SMURF2: variants seen among roughly 807,000 people sequenced by gnomAD.
SMURF2 encodes SMAD specific E3 ubiquitin protein ligase 2.
A neutral mutation model predicts 109.6 loss-of-function variants in SMURF2; 48 were observed. That is an observed-to-expected ratio of 0.44 (90% CI 0.35 to 0.56). SMURF2 has a LOEUF of 0.56. SMURF2 is among the 20% of genes least tolerant of loss of function. The probability of loss-of-function intolerance (pLI) is 0.01; values close to 1 mark genes in which losing one functional copy is unlikely to be tolerated. For synonymous variants in SMURF2, 288 were observed against 317.1 expected (o/e 0.91, Z 0.97); for missense variants, 575 against 909.0 (o/e 0.63, Z 4.72).
At chr17:64,646,564 G>C (rs1970562511) in intron 1 of SMURF2, among the ~76,000 whole-genome samples, 1 of 151,190 alleles carries the variant, frequency 6.6e-6, no homozygotes, top group African/African-American at 2.4e-5. Flanking sequence ...TGTAGTTTTT[G>C]TAGAGATGGA....
At chr17:64,613,672 CAGTGTGTGTGTGTGTGTGTG>C (rs1970076211) in intron 1 of SMURF2, among the ~76,000 whole-genome samples, 2 of 53,690 alleles carry the variant, frequency 3.7e-5, no homozygotes, top group African/African-American at 1.5e-4. Flanking sequence ...TTCCACGGAC[CAGTGTGTGTGTGTGTGTGTG>C]TGTGTGTGTG....
At chr17:64,617,915 T>C (rs1445756436) in intron 1 of SMURF2, among the ~76,000 whole-genome samples, 8 of 152,274 alleles carry the variant, frequency 5.3e-5, no homozygotes, top group East Asian at 1.9e-4. Context: ...TAAAACAAGA[T>C]GAGACTATAC....
chr17:64,636,896 T>C (rs939576495), intron 1 of SMURF2, among the ~76,000 whole-genome samples: 7 of 152,092 alleles, frequency 4.6e-5, no homozygotes, highest in Non-Finnish European at 1.0e-4. Context: ...TTCTTATTAG[T>C]GTCCTTTTGG....
At position 64,545,001 on chromosome 17, in the gene SMURF2, C is replaced by T. The variant is rs946364320; in HGVS notation, c.*847G>A. Reference sequence around the variant, plus strand: ...CATGCTCTGAGAAGCTATAAAAATGCAGTATTTTAAGATTAAAAGTAAATC... The same window carrying T: ...CATGCTCTGAGAAGCTATAAAAATGTAGTATTTTAAGATTAAAAGTAAATC... On this transcript the variant is annotated 3_prime_UTR_variant, in exon 19 of 19. Coordinates refer to ENST00000262435, the MANE Select transcript of SMURF2 (RefSeq NM_022739.4). The T allele has an allele frequency of 2.6e-5, 4 of 152,026 alleles. No individual in the cohort carries two copies. Among genetic ancestry groups the T allele is most frequent in the Non-Finnish European group, 5.9e-5 (4 of 67,964 alleles). 9.4% of individuals were successfully genotyped at this position (152,026 alleles called of 1,614,324 possible). A position where few individuals can be genotyped will look rare whatever the true frequency, so the allele number is the denominator to read the frequency against.
chr17:64,586,577 C>T lies in SMURF2; in HGVS notation c.401-407G>A, dbSNP rs367950183. 4.7e-4 allele frequency among the ~76,000 whole-genome samples: 70 copies of T among 149,934 alleles called. 1 individual carries two copies. In the South Asian group the frequency reaches 0.015, roughly 31 times the overall value. ...TCCTGGCTAACACAGGGTGAAATCC[C>T]GTCTCTACTAAAAATACAAAAAAAT... On this transcript the variant is annotated intron_variant, in intron 5 of 18. Transcript: ENST00000262435.
intron 10 of SMURF2, among the ~76,000 whole-genome samples, chr17:64,565,302 G>A (rs920774775): frequency 8.5e-5 from 13 of 152,140 alleles, no homozygotes; most frequent in African/African-American, 3.1e-4. Flanking sequence ...AGGTGTGCTA[G>A]GGTGCAAGGG....
intron 1 of SMURF2, among the ~76,000 whole-genome samples, chr17:64,628,866 G>T (rs966812089): frequency 7.2e-5 from 11 of 152,080 alleles, no homozygotes; most frequent in African/African-American, 2.7e-4. Flanking sequence ...TCATCACAGG[G>T]CTCCCTCACA....
At chr17:64,557,985 T>C (rs1969150025) in intron 12 of SMURF2, among the ~76,000 whole-genome samples, 1 of 152,222 alleles carries the variant, frequency 6.6e-6, no homozygotes, top group African/African-American at 2.4e-5. Context: ...AAAAGTATTA[T>C]CCAACAGTTC....
chr17:64,550,418 G>A (rs1969025316), intron 16 of SMURF2, among the ~76,000 whole-genome samples: 1 of 152,136 alleles, frequency 6.6e-6, no homozygotes, highest in Admixed American at 6.5e-5. Flanking sequence ...ACAAAACCTG[G>A]GGTGTTTAAG....
chr17:64,580,790 A>G lies in SMURF2; in HGVS notation c.771T>C (p.Tyr257=), dbSNP rs1555686480. 3.7e-6 allele frequency: 6 copies of G among 1,613,880 alleles called. No homozygotes were observed. The highest frequency in any genetic ancestry group is 1.6e-4 in the Middle Eastern group (1 of 6,084). Residue 257 remains tyrosine, a splice_region_variant and synonymous_variant, in exon 8 of 19, where the codon TAT becomes TAC. Coordinates refer to ENST00000262435, the MANE Select transcript of SMURF2 (RefSeq NM_022739.4). ...LHTPPDLPEG[Y]EQRTTQQGQV... The stretch of plus-strand genomic sequence containing the variant: ...ATTTTTCCTTTGTAGTTGTCATACC[A>G]TAGCCTTCTGGTAGGTCTGGAGGAG...
At chr17:64,583,776 A>G (rs1969608562) in intron 6 of SMURF2, among the ~76,000 whole-genome samples, 1 of 152,136 alleles carries the variant, frequency 6.6e-6, no homozygotes, top group African/African-American at 2.4e-5. Context: ...CATCAGCCAA[A>G]CTCTGAGAAT....
chr17:64,600,586 A>G (rs1449252161), intron 2 of SMURF2, among the ~76,000 whole-genome samples: 2 of 152,190 alleles, frequency 1.3e-5, no homozygotes, highest in African/African-American at 4.8e-5. Context: ...ATAATAAAGG[A>G]GGACCAAAAT....
chr17:64,650,204 C>CTTTT (rs34557504), intron 1 of SMURF2, among the ~76,000 whole-genome samples: 1 of 132,622 alleles, frequency 7.5e-6, no homozygotes, highest in South Asian at 2.4e-4. Flanking sequence ...TAAGACTTGC[C>CTTTT]TTTTTTTTTT....
intron 1 of SMURF2, among the ~76,000 whole-genome samples, chr17:64,608,079 T>C (rs1349781242): frequency 6.6e-6 from 1 of 151,722 alleles, no homozygotes; most frequent in Non-Finnish European, 1.5e-5. Flanking sequence ...AAAACTTCTT[T>C]AACTCAAACT....
In SMURF2 at chr17:64,581,053, G is replaced by C; in HGVS notation, c.570-62C>G. 7.0e-7 allele frequency: 1 copy of C among 1,436,194 alleles called. No individual in the cohort carries two copies. The highest frequency in any genetic ancestry group is 9.8e-7 in the Non-Finnish European group (1 of 1,023,438). The allele number at this position is 1,436,194 out of a possible 1,614,324, so 89.0% of individuals were successfully genotyped here. A position where few individuals can be genotyped will look rare whatever the true frequency, so the allele number is the denominator to read the frequency against. ...TAGATATCAAAAGTAGAGTTCTCTA[G>C]ACAATATATATATACTGCAGTAACA... is the stretch of plus-strand genomic sequence containing the variant. On this transcript the variant is annotated intron_variant, in intron 7 of 18. Transcript: ENST00000262435. The surrounding 1 kb of genome is among the most constrained non-coding windows in gnomAD (Gnocchi z 4.3).
chr17:64,651,274 G>GA (rs1371221860), intron 1 of SMURF2, among the ~76,000 whole-genome samples: 2 of 146,746 alleles, frequency 1.4e-5, no homozygotes, highest in Non-Finnish European at 3.0e-5. Flanking sequence ...TTGCCTTGGA[G>GA]AAAAAATATA....
intron 13 of SMURF2, 69 bp from the exon 14 acceptor site, chr17:64,556,067 T>G: frequency 8.7e-7 from 1 of 1,143,066 alleles, no homozygotes; most frequent in Non-Finnish European, 1.2e-6. Flanking sequence ...AATGAAATAT[T>G]TCAGCAACAT....
chr17:64,546,037 G>C, intron 18 of SMURF2, 90 bp from the exon 19 acceptor site: 2 of 925,212 alleles, frequency 2.2e-6, no homozygotes, highest in Non-Finnish European at 3.5e-6. Flanking sequence ...ACATCACTCT[G>C]TGTCACACAG....
At chr17:64,601,835 GGT>G (rs546731309) in intron 2 of SMURF2, among the ~76,000 whole-genome samples, 16 of 148,958 alleles carry the variant, frequency 1.1e-4, no homozygotes, top group South Asian at 6.4e-4. Flanking sequence ...AAAGAAATGT[GGT>G]GTGTGTGTGT....
Sources: allele counts gnomAD v4.1 joint callset (sites outside exome capture counted in the v4.1 genomes callset), GRCh38; gene constraint gnomAD v4.1.1; non-coding constraint Gnocchi (gnomAD v3.1); transcripts MANE v1.5; gene names NCBI Gene and HGNC (gene_info 2026-07-23, HGNC 2026-07-21).